Variants in REDIC1 observed in about 807,000 individuals in gnomAD.
REDIC1 encodes the protein regulator of DNA class I crossover intermediates 1, also known as HEI10 Interacting Protein 1.
the REDIC1 span, chr12:39,682,774 G>A: frequency 6.2e-7 from 1 of 1,613,338 alleles, no homozygotes; most frequent in Non-Finnish European, 8.5e-7. Flanking sequence ...TCTTGAAGAT[G>A]TGAACCAGTC....
the REDIC1 span, chr12:39,830,344 T>C: frequency 2.7e-6 from 4 of 1,463,722 alleles, no homozygotes; most frequent in Non-Finnish European, 3.6e-6. Context: ...GCTTGGGGCC[T>C]TGGGACTTGT....
At chr12:39,772,409 A>AT in the REDIC1 span, among the ~76,000 whole-genome samples, 37 of 150,220 alleles carry the variant, frequency 2.5e-4, no homozygotes, top group Middle Eastern at 6.9e-3. Flanking sequence ...TCACCGTGCT[A>AT]TTTTTTTTTT....
At chr12:39,642,611 G>A in the REDIC1 span, among the ~76,000 whole-genome samples, 3 of 151,534 alleles carry the variant, frequency 2.0e-5, no homozygotes, top group Non-Finnish European at 4.4e-5. Flanking sequence ...CTTAATTCCA[G>A]GACACAATCA....
the REDIC1 span, among the ~76,000 whole-genome samples, chr12:39,895,284 A>G: frequency 6.6e-6 from 1 of 151,664 alleles, no homozygotes; most frequent in South Asian, 2.1e-4. Context: ...AGGACAGGAG[A>G]TTGAGACCAT....
the REDIC1 span, among the ~76,000 whole-genome samples, chr12:39,886,930 A>T: frequency 6.6e-6 from 1 of 152,216 alleles, no homozygotes; most frequent in African/African-American, 2.4e-5. Context: ...CGTATGTTAA[A>T]TCATTCAGTC....
At chr12:39,649,395 T>C in the REDIC1 span, among the ~76,000 whole-genome samples, 5 of 151,968 alleles carry the variant, frequency 3.3e-5, no homozygotes, top group African/African-American at 1.2e-4. Context: ...TTAAGTAGTA[T>C]TGTCGAATAT....
the REDIC1 span, among the ~76,000 whole-genome samples, chr12:39,653,492 G>GTCGTCTTCTTCTTCTTCTTCTTCTTCT: frequency 1.5e-4 from 8 of 54,348 alleles, no homozygotes; most frequent in Middle Eastern, 0.011. Context: ...CAATCTGGAT[G>GTCGTCTTCTTCTTCTTCTTCTTCTTCT]TCTTCTTCTT....
the REDIC1 span, among the ~76,000 whole-genome samples, chr12:39,765,793 G>A: frequency 4.6e-5 from 7 of 152,022 alleles, no homozygotes; most frequent in African/African-American, 9.7e-5. Flanking sequence ...AGGTAAATGC[G>A]TGCTGTAGTG....
At chr12:39,723,073 G>A in the REDIC1 span, among the ~76,000 whole-genome samples, 2 of 152,090 alleles carry the variant, frequency 1.3e-5, no homozygotes, top group African/African-American at 4.8e-5. Context: ...TTCCCTGGTT[G>A]GCAATACTTC....
the REDIC1 span, among the ~76,000 whole-genome samples, chr12:39,632,728 G>T: frequency 6.6e-6 from 1 of 152,040 alleles, no homozygotes; most frequent in African/African-American, 2.4e-5. Context: ...ATAGTCTTTT[G>T]CTTCTAAGCT....
At chr12:39,715,147 T>G in the REDIC1 span, among the ~76,000 whole-genome samples, 2 of 152,140 alleles carry the variant, frequency 1.3e-5, no homozygotes, top group East Asian at 1.9e-4. Flanking sequence ...TAAGCCAATG[T>G]CTAGAAGGGT....
chr12:39,722,987 A>G, the REDIC1 span, among the ~76,000 whole-genome samples: 1 of 152,112 alleles, frequency 6.6e-6, no homozygotes, highest in African/African-American at 2.4e-5. Flanking sequence ...GGGATCAGAA[A>G]CTGAGATTGG....
At chr12:39,752,522 G>C in the REDIC1 span, among the ~76,000 whole-genome samples, 1 of 151,966 alleles carries the variant, frequency 6.6e-6, no homozygotes. Context: ...AACAGGCAAG[G>C]GATAAGAAAA....
the REDIC1 span, among the ~76,000 whole-genome samples, chr12:39,703,364 A>G: frequency 6.6e-6 from 1 of 150,632 alleles, no homozygotes; most frequent in South Asian, 2.2e-4. Context: ...ATACCTAGGA[A>G]TCCAACTTAC....
At chr12:39,846,704 G>C in the REDIC1 span, among the ~76,000 whole-genome samples, 1 of 152,184 alleles carries the variant, frequency 6.6e-6, no homozygotes, top group East Asian at 1.9e-4. Context: ...CACTGGCCTC[G>C]GCCTCCTAAA....
At chr12:39,710,897 T>A in the REDIC1 span, among the ~76,000 whole-genome samples, 1 of 151,686 alleles carries the variant, frequency 6.6e-6, no homozygotes, top group Non-Finnish European at 1.5e-5. Context: ...GTATTCTTTT[T>A]TTTTAATTTT....
At chr12:39,743,707 C>A in the REDIC1 span, among the ~76,000 whole-genome samples, 1 of 152,050 alleles carries the variant, frequency 6.6e-6, no homozygotes, top group African/African-American at 2.4e-5. Context: ...TGACAATGGG[C>A]TCATTAATAG....
the REDIC1 span, among the ~76,000 whole-genome samples, chr12:39,687,197 G>C: frequency 6.6e-6 from 1 of 152,054 alleles, no homozygotes; most frequent in Non-Finnish European, 1.5e-5. Flanking sequence ...CCATTACCAA[G>C]TTCCAAAATT....
chr12:39,742,217 T>G, the REDIC1 span, among the ~76,000 whole-genome samples: 2 of 152,184 alleles, frequency 1.3e-5, no homozygotes, highest in Non-Finnish European at 2.9e-5. Context: ...GTCAGTACAG[T>G]GACTATGAAC....
Sources: gnomAD v4.1 joint callset for allele counts (sites outside exome capture counted in the v4.1 genomes callset) on GRCh38, gnomAD v4.1.1 for gene constraint, MANE v1.5 for transcripts, NCBI Gene and HGNC (gene_info 2026-07-23, HGNC 2026-07-21) for gene names.